CELSR3: variants seen among roughly 807,000 people sequenced by gnomAD.
CELSR3 encodes the protein cadherin EGF LAG seven-pass G-type receptor 3.
Under a neutral mutation model 270.0 loss-of-function variants are expected in CELSR3, and 73 were observed. That is an observed-to-expected ratio of 0.27 (90% CI 0.22 to 0.33). The LOEUF is 0.33. CELSR3 is among the 10% of genes least tolerant of loss of function. CELSR3 has a pLI of 1.00. For synonymous variants in CELSR3, 1,780 were observed against 1,905.4 expected, an observed-to-expected ratio of 0.93 and a Z score of 1.71; for missense variants, 3,614 against 4,533.8, an observed-to-expected ratio of 0.80 and a Z score of 5.83.
At position 48,643,199 on chromosome 3, in the gene CELSR3, G is replaced by A. The variant is rs1468340639; in HGVS notation, c.8290-116C>T. On this transcript the variant is annotated intron_variant, in intron 28 of 34. Transcript: ENST00000164024. Reference sequence around the variant, plus strand: ...GTAGGCTAGTGTGGGTCAGTGAGGAGCCCATGCGGGACTCAGTAAGGGAGT... The same window carrying A: ...GTAGGCTAGTGTGGGTCAGTGAGGAACCCATGCGGGACTCAGTAAGGGAGT... 3 of 720,026 alleles carry A rather than the reference G, an allele frequency of 4.2e-6. No individual in the cohort carries two copies. The Admixed American group carries it at 7.2e-5, about 17-fold the overall frequency. The allele number at this position is 720,026 out of a possible 1,614,324, so 44.6% of individuals were successfully genotyped here.
Position 48,659,827 on chromosome 3 carries a change from A to G in CELSR3, c.2808T>C (p.Asn936=), listed in dbSNP as rs2077053656. 1 of 1,614,174 alleles carries G rather than the reference A, an allele frequency of 6.2e-7. No homozygotes were observed. Among genetic ancestry groups the G allele is most frequent in the East Asian group, 2.2e-5 (1 of 44,886 alleles). Residue 936 remains asparagine, a synonymous_variant, in exon 1 of 35, where the codon AAT becomes AAC. Transcript: ENST00000164024. The surrounding 1 kb of genome is among the most constrained non-coding windows in gnomAD (Gnocchi z 8.1). ...TYTLAITARD[N]GIPQKADTTY... ...TAGTGTCTGCCTTCTGTGGGATGCCATTGTCCCGAGCTGTGATAGCCAGGG... is the reference window on the plus strand; with the variant it reads ...TAGTGTCTGCCTTCTGTGGGATGCCGTTGTCCCGAGCTGTGATAGCCAGGG...
At position 48,642,549 on chromosome 3, in the gene CELSR3, C is replaced by T; in HGVS notation, c.8556-82G>A. 6.8e-7 allele frequency: 1 copy of T among 1,479,780 alleles called. No individual in the cohort carries two copies. Among genetic ancestry groups the T allele is most frequent in the Non-Finnish European group, 9.2e-7 (1 of 1,088,870 alleles). 91.7% of individuals were successfully genotyped at this position (1,479,780 alleles called of 1,614,324 possible). ...GGCTGGAGTGTCTTTGAGTGCACAG[C>T]CAGCTGCGGGTGGAATGGCATCCCT... is the stretch of plus-strand genomic sequence containing the variant. On this transcript the variant is annotated intron_variant, in intron 30 of 34. Coordinates refer to ENST00000164024, the MANE Select transcript of CELSR3 (RefSeq NM_001407.3). This position sits in a 1 kb window ranked among gnomAD's most constrained non-coding sequence, Gnocchi z 6.1.
chr3:48,640,600 G>A lies in CELSR3; in HGVS notation c.9026-41C>T, dbSNP rs59207809. The A allele has an allele frequency of 6.7e-7, 1 of 1,495,482 alleles. No individual in the cohort carries two copies. The allele number at this position is 1,495,482 out of a possible 1,614,324, so 92.6% of individuals were successfully genotyped here. A position where few individuals can be genotyped will look rare whatever the true frequency, so the allele number is the denominator to read the frequency against. ...AATGGGGGGCAGGGTTTGTGTGGGA[G>A]GGGGAGGGCAGGCAGGAATTGCTGA... On this transcript the variant is annotated intron_variant, in intron 33 of 34. Transcript: ENST00000164024. The surrounding 1 kb of genome is among the most constrained non-coding windows in gnomAD (Gnocchi z 7.5).
rs747790812 is a variant in CELSR3, at chr3:48,658,984, C to T, written c.3651G>A (p.Gln1217=). 6.2e-7 allele frequency: 1 copy of T among 1,614,230 alleles called. No individual in the cohort carries two copies. Residue 1217 remains glutamine, a synonymous_variant, in exon 1 of 35, where the codon CAG becomes CAA. Transcript: ENST00000164024. This position sits in a 1 kb window ranked among gnomAD's most constrained non-coding sequence, Gnocchi z 4.7. The part of the protein sequence containing the change: ...FYSFERGNEL[Q]LLVVNQTSGE... ...CACTGGTCTGGTTGACTACCAGCAG[C>T]TGCAGCTCATTGCCACGCTCAAAGG...
At position 48,655,586 on chromosome 3, in the gene CELSR3, C is replaced by T; in HGVS notation, c.4741+150G>A. The T allele has an allele frequency of 1.1e-6, 1 of 871,748 alleles. No individual in the cohort carries two copies. The highest frequency in any genetic ancestry group is 1.9e-6 in the Non-Finnish European group (1 of 537,958). The allele number at this position is 871,748 out of a possible 1,614,324, so 54.0% of individuals were successfully genotyped here. A position where few individuals can be genotyped will look rare whatever the true frequency, so the allele number is the denominator to read the frequency against. On this transcript the variant is annotated intron_variant, in intron 4 of 34. Transcript: ENST00000164024. This position sits in a 1 kb window ranked among gnomAD's most constrained non-coding sequence, Gnocchi z 5.8. ...AGACTTCTTGGAGGGAGGGACCTTC[C>T]CACAGGGAATGGCCAAGGAGCTAGG...
chr3:48,649,151 G>T lies in CELSR3; in HGVS notation c.6537C>A (p.Thr2179=). The T allele has an allele frequency of 6.2e-7, 1 of 1,612,680 alleles. No homozygotes were observed. Among genetic ancestry groups the T allele is most frequent in the Non-Finnish European group, 8.5e-7 (1 of 1,179,584 alleles). The part of the protein sequence containing the change: ...GWLEPDLFNC[T]SPAFRELSLL... ...GACTGAGCTCTCGAAAGGCAGGGGA[G>T]GTACAGTTGAAGAGGTCGGGCTCCA... Residue 2179 remains threonine, a synonymous_variant, in exon 17 of 35, where the codon ACC becomes ACA. Coordinates refer to ENST00000164024, the MANE Select transcript of CELSR3 (RefSeq NM_001407.3).
Position 48,643,477 on chromosome 3 carries a change from C to T in CELSR3, c.8289+77G>A. 6 of 1,497,620 alleles carry T rather than the reference C, an allele frequency of 4.0e-6. No homozygotes were observed. In the South Asian group the frequency reaches 7.7e-5, roughly 19 times the overall value. The allele number at this position is 1,497,620 out of a possible 1,614,324, so 92.8% of individuals were successfully genotyped here. A position where few individuals can be genotyped will look rare whatever the true frequency, so the allele number is the denominator to read the frequency against. Reference sequence around the variant, plus strand: ...TAAGAGTCAGCTCCAGGCCTAGGGTCAACGTCTGCCTAGGGATGGCCCCAG... The same window carrying T: ...TAAGAGTCAGCTCCAGGCCTAGGGTTAACGTCTGCCTAGGGATGGCCCCAG... On this transcript the variant is annotated intron_variant, in intron 28 of 34. Transcript: ENST00000164024.
chr3:48,637,256 C>G lies in CELSR3; in HGVS notation c.*949G>C, dbSNP rs1353910661. 3 of 152,580 alleles carry G rather than the reference C, an allele frequency of 2.0e-5. No homozygotes were observed. The highest frequency in any genetic ancestry group is 7.2e-5 in the African/African-American group (3 of 41,410). The allele number at this position is 152,580 out of a possible 1,614,324, so 9.5% of individuals were successfully genotyped here. On this transcript the variant is annotated 3_prime_UTR_variant, in exon 35 of 35. Transcript: ENST00000164024. The stretch of plus-strand genomic sequence containing the variant: ...CCAGGTGCCTAGGGCCACGGAGGAT[C>G]CTGTAAACATAGGAGGCAGTGGCAC...
Position 48,661,632 on chromosome 3 carries a change from G to A in CELSR3, c.1003C>T (p.Pro335Ser). 1 of 1,603,982 alleles carries A rather than the reference G, an allele frequency of 6.2e-7. No homozygotes were observed. The change falls in exon 1 of 35, where the codon CCG (proline) becomes TCG (serine). Residue 335 changes from proline to serine, a missense_variant. Physicochemically the swap from Pro to Ser is moderately conservative, Grantham distance 74. Transcript: ENST00000164024. ...GCGGTGCCTGCTGCCTCATTCTCCG[G>A]CACCAGCGTCTGGTAGTTGTACTGC... ...FPQYNYQTLV[P>S]ENEAAGTAVL...
rs2047002574 is a variant in CELSR3, at chr3:48,639,536, T to A, written c.9911+138A>T. The A allele has an allele frequency of 8.5e-7, 1 of 1,175,562 alleles. No homozygotes were observed. The highest frequency in any genetic ancestry group is 1.2e-6 in the Non-Finnish European group (1 of 840,038). 72.8% of individuals were successfully genotyped at this position (1,175,562 alleles called of 1,614,324 possible). On this transcript the variant is annotated intron_variant, in intron 34 of 34. Transcript: ENST00000164024. The surrounding 1 kb of genome is among the most constrained non-coding windows in gnomAD (Gnocchi z 4.1). ...GATTCCTGTCCCCAGCCTGTGGCCC[T>A]CTGGCTGTGCTGAGCCTGGGGTAGC...
intron 16 of CELSR3, 52 bp from the exon 17 acceptor site, chr3:48,649,267 G>T: frequency 7.0e-7 from 1 of 1,423,014 alleles, no homozygotes; most frequent in South Asian, 1.2e-5. Flanking sequence ...CCTTTGCTGA[G>T]GAGATAACCG....
Position 48,647,995 on chromosome 3 carries a change from C to T in CELSR3, c.6975G>A (p.Met2325Ile), listed in dbSNP as rs1378986114. The change falls in exon 20 of 35, where the codon ATG becomes ATA. Residue 2325 changes from methionine (M) to isoleucine (I), a missense_variant and splice_region_variant. By Grantham distance (10) the Met-to-Ile change is conservative. This residue lies in a region of CELSR3 where 1,240 missense variants were observed against 1,351.7 expected (regional missense o/e 0.92). Transcript: ENST00000164024. ...GGTGCTCCATGCGGTCAATGCTGAGCACTACCCAGGAGAAAGAAAGGGGAG... is the reference window on the plus strand; with the variant it reads ...GGTGCTCCATGCGGTCAATGCTGAGTACTACCCAGGAGAAAGAAAGGGGAG... ...NPMGLVTPNI[M>I]LSIDRMEHPS... 2 of 1,611,722 alleles carry T rather than the reference C, an allele frequency of 1.2e-6. No individual in the cohort carries two copies. The highest frequency in any genetic ancestry group is 8.5e-7 in the Non-Finnish European group (1 of 1,179,580).
Position 48,653,053 on chromosome 3 carries a change from G to A in CELSR3, c.5583C>T (p.Gly1861=). 1 of 1,613,168 alleles carries A rather than the reference G, an allele frequency of 6.2e-7. No individual in the cohort carries two copies. The highest frequency in any genetic ancestry group is 8.5e-7 in the Non-Finnish European group (1 of 1,180,010). ...LRLELQEEPG[G]RRGHHVLMVS... ...CCATAAGGACATGGTGGCCCCGCCG[G>A]CCACCTGGTTCCTCCTGCAACTCCA... The change falls in exon 10 of 35, where the codon GGC becomes GGT. Residue 1861 remains glycine (G), a synonymous_variant. Transcript: ENST00000164024. The surrounding 1 kb of genome is among the most constrained non-coding windows in gnomAD (Gnocchi z 6.5).
chr3:48,646,746 G>T lies in CELSR3; in HGVS notation c.7295+17C>A, dbSNP rs779422211. On this transcript the variant is annotated intron_variant, in intron 21 of 34. Transcript: ENST00000164024. The surrounding 1 kb of genome is among the most constrained non-coding windows in gnomAD (Gnocchi z 4.8). ...TGAGAAGTTCGTAGGAAGCTCAGGGGTGAGGGGCCTGAGTACCTGGCACCT... is the reference window on the plus strand; with the variant it reads ...TGAGAAGTTCGTAGGAAGCTCAGGGTTGAGGGGCCTGAGTACCTGGCACCT... 1 of 1,605,610 alleles carries T rather than the reference G, an allele frequency of 6.2e-7. No individual in the cohort carries two copies. The highest frequency in any genetic ancestry group is 2.2e-5 in the East Asian group (1 of 44,450).
Position 48,646,189 on chromosome 3 carries a change from A to T in CELSR3, c.7364T>A (p.Leu2455Gln). The T allele has an allele frequency of 1.2e-6, 2 of 1,612,814 alleles. No homozygotes were observed. Among genetic ancestry groups the T allele is most frequent in the Non-Finnish European group, 1.7e-6 (2 of 1,179,946 alleles). The change falls in exon 22 of 35, where the codon CTA becomes CAA. Residue 2455 changes from leucine to glutamine, a missense_variant. Physicochemically the swap from Leu to Gln is moderately radical, Grantham distance 113. Coordinates refer to ENST00000164024, the MANE Select transcript of CELSR3 (RefSeq NM_001407.3). This position sits in a 1 kb window ranked among gnomAD's most constrained non-coding sequence, Gnocchi z 4.8. Reference protein sequence around the residue: ...SVAVFHGRNFLRGILESPISL... With the variant: ...SVAVFHGRNFQRGILESPISL... Reference sequence around the variant, plus strand: ...GATGGGGGACTCCAGGATTCCCCTTAGGAAGTTGCGTCCGTGGAACACAGC... The same window carrying T: ...GATGGGGGACTCCAGGATTCCCCTTTGGAAGTTGCGTCCGTGGAACACAGC...
Position 48,646,210 on chromosome 3 carries a change from A to C in CELSR3, c.7343T>G (p.Val2448Gly). 1 of 1,612,758 alleles carries C rather than the reference A, an allele frequency of 6.2e-7. No homozygotes were observed. The highest frequency in any genetic ancestry group is 8.5e-7 in the Non-Finnish European group (1 of 1,179,924). Residue 2448 changes from valine to glycine, a missense_variant, in exon 22 of 35, where the codon GTG (valine) becomes GGG (glycine). Coordinates refer to ENST00000164024, the MANE Select transcript of CELSR3 (RefSeq NM_001407.3). The surrounding 1 kb of genome is among the most constrained non-coding windows in gnomAD (Gnocchi z 4.8). Reference protein sequence around the residue: ...VMNSPVVSVAVFHGRNFLRGI... With the variant: ...VMNSPVVSVAGFHGRNFLRGI... Reference sequence around the variant, plus strand: ...CCTTAGGAAGTTGCGTCCGTGGAACACAGCCACGCTGACCACCGGGGAGTT... The same window carrying C: ...CCTTAGGAAGTTGCGTCCGTGGAACCCAGCCACGCTGACCACCGGGGAGTT...
At position 48,662,708 on chromosome 3, in the gene CELSR3, C is replaced by A. The variant is rs2077079106; in HGVS notation, c.-74G>T. ...CTTGGGCTGGCCCCGCCGCTCGGGCCCCCTCCCGGGCCCCTGCCGCCGCCC... is the reference window on the plus strand; with the variant it reads ...CTTGGGCTGGCCCCGCCGCTCGGGCACCCTCCCGGGCCCCTGCCGCCGCCC... On this transcript the variant is annotated 5_prime_UTR_variant, in exon 1 of 35. Coordinates refer to ENST00000164024, the MANE Select transcript of CELSR3 (RefSeq NM_001407.3). This position sits in a 1 kb window ranked among gnomAD's most constrained non-coding sequence, Gnocchi z 7.1. 3.1e-6 allele frequency: 2 copies of A among 639,184 alleles called. No individual in the cohort carries two copies. Among genetic ancestry groups the A allele is most frequent in the Non-Finnish European group, 4.5e-6 (2 of 446,898 alleles). The allele number at this position is 639,184 out of a possible 1,614,324, so 39.6% of individuals were successfully genotyped here. A position where few individuals can be genotyped will look rare whatever the true frequency, so the allele number is the denominator to read the frequency against.
chr3:48,657,423 G>C lies in CELSR3; in HGVS notation c.3749-75C>G. 11 of 1,413,534 alleles carry C rather than the reference G, an allele frequency of 7.8e-6. No homozygotes were observed. Among genetic ancestry groups the C allele is most frequent in the Non-Finnish European group, 1.0e-5 (11 of 1,070,620 alleles). 87.6% of individuals were successfully genotyped at this position (1,413,534 alleles called of 1,614,324 possible). A position where few individuals can be genotyped will look rare whatever the true frequency, so the allele number is the denominator to read the frequency against. On this transcript the variant is annotated intron_variant, in intron 1 of 34. Coordinates refer to ENST00000164024, the MANE Select transcript of CELSR3 (RefSeq NM_001407.3). The surrounding 1 kb of genome is among the most constrained non-coding windows in gnomAD (Gnocchi z 5.4). ...CTCCCTGGGACACAAGAGGGCTGGG[G>C]CCAGCGATAGCCTAGGCCCCCAGAA...
chr3:48,641,879 C>T lies in CELSR3; in HGVS notation c.8796G>A (p.Gln2932=). 6.6e-7 allele frequency: 1 copy of T among 1,525,426 alleles called. No individual in the cohort carries two copies. Among genetic ancestry groups the T allele is most frequent in the Non-Finnish European group, 8.8e-7 (1 of 1,138,632 alleles). 94.5% of individuals were successfully genotyped at this position (1,525,426 alleles called of 1,614,324 possible). The change falls in exon 32 of 35, where the codon CAG becomes CAA. Residue 2932 remains glutamine (Q), a synonymous_variant. Transcript: ENST00000164024. The surrounding 1 kb of genome is among the most constrained non-coding windows in gnomAD (Gnocchi z 4.8). The part of the protein sequence containing the change: ...RFQRPLCRAA[Q]SERLLTHPKD... ...TGGGGTGGGTGAGGAGCCTCTCACT[C>T]TGGGCTGCTCGGCAGAGTGGCCGTT...
Sources: gnomAD v4.1 joint callset for allele counts on GRCh38, gnomAD v4.1.1 for gene constraint, gnomAD v4.1.1 regional missense constraint, Gnocchi (gnomAD v3.1) non-coding constraint, MANE v1.5 for transcripts, NCBI Gene and HGNC (gene_info 2026-07-23, HGNC 2026-07-21) for gene names.